RIF1: variants seen among roughly 807,000 people sequenced by gnomAD.
The protein encoded by RIF1 is telomere-associated protein RIF1.
A neutral mutation model predicts 247.1 loss-of-function variants in RIF1; 45 were observed. That is an observed-to-expected ratio of 0.18 (90% CI 0.14 to 0.23). The LOEUF (loss-of-function observed/expected upper bound fraction) is 0.23. Among genes scored for constraint, RIF1 ranks in the 10% least tolerant of loss-of-function variants. The probability of loss-of-function intolerance (pLI) is 1.00; values close to 1 mark genes in which losing one functional copy is unlikely to be tolerated. For missense variants in RIF1, 2,967 were observed against 2,862.5 expected (o/e 1.04, Z -0.83); for synonymous variants, 1,087 against 978.8 (o/e 1.11, Z -2.06).
intron 8 of RIF1, among the ~76,000 whole-genome samples, chr2:151,427,789 G>A (rs571153311): frequency 6.6e-6 from 1 of 150,814 alleles, no homozygotes; most frequent in African/African-American, 2.4e-5. Context: ...AATTAGGCCG[G>A]CATGGTGGCT....
chr2:151,508,256 C>T (rs935332749), downstream of RIF1: 11 of 530,400 alleles, frequency 2.1e-5, no homozygotes, highest in Admixed American at 1.3e-4. Flanking sequence ...GTTAGGGCAT[C>T]GCAAGGAAGA....
chr2:151,530,880 C>T, the RIF1 span: 1 of 657,420 alleles, frequency 1.5e-6, no homozygotes, highest in East Asian at 2.8e-5. Flanking sequence ...TATTTTAAGC[C>T]ACTAAGTTTT....
chr2:151,455,153 A>G lies in RIF1; in HGVS notation c.2603A>G (p.Asn868Ser). ...LTRPLALFYE[N>S]SKLDEVPKVY... Reference sequence around the variant, plus strand: ...AGACCTCTGGCATTATTTTATGAAAACTCAAAGTAAGTATTTTGGACTAAG... The same window carrying G: ...AGACCTCTGGCATTATTTTATGAAAGCTCAAAGTAAGTATTTTGGACTAAG... Residue 868 changes from asparagine (N) to serine (S), a missense_variant, in exon 22 of 36, where the codon AAC becomes AGC. Physicochemically the swap from Asn to Ser is conservative, Grantham distance 46. Transcript: ENST00000444746. 1 of 1,607,756 alleles carries G rather than the reference A, an allele frequency of 6.2e-7. No homozygotes were observed. Among genetic ancestry groups the G allele is most frequent in the East Asian group, 2.2e-5 (1 of 44,782 alleles).
In RIF1 at chr2:151,464,572, T is replaced by G; in HGVS notation, c.5052T>G (p.His1684Gln). The G allele has an allele frequency of 1.2e-6, 2 of 1,613,376 alleles. No individual in the cohort carries two copies. Among genetic ancestry groups the G allele is most frequent in the Non-Finnish European group, 1.7e-6 (2 of 1,179,540 alleles). ...CTAGAAATGCCATTAAGAGATTACA[T>G]AAGCGAGACTCTTTTGATAATTGTA... ...LRTRNAIKRLHKRDSFDNCSL... is the reference protein window; with the variant it reads ...LRTRNAIKRLQKRDSFDNCSL... Residue 1684 changes from histidine (H) to glutamine (Q), a missense_variant, in exon 30 of 36, where the codon CAT becomes CAG. Around this residue, in one of 7 missense-constraint regions of RIF1, gnomAD observed 2,028 missense variants for 1,825.6 expected, o/e 1.11. Transcript: ENST00000444746.
the RIF1 span, chr2:151,531,762 G>C: frequency 2.6e-6 from 4 of 1,520,314 alleles, no homozygotes; most frequent in South Asian, 1.2e-5. Context: ...CCCTGAGTTT[G>C]AGAAGGTATT....
intron 9 of RIF1, among the ~76,000 whole-genome samples, chr2:151,487,904 C>T (rs2152705523): frequency 6.6e-6 from 1 of 152,226 alleles, no homozygotes; most frequent in Non-Finnish European, 1.5e-5. Context: ...AGCCACTATT[C>T]CTGACCTAAT....
chr2:151,468,032 C>T lies in RIF1; in HGVS notation c.6633C>T (p.Tyr2211=). 1 of 1,613,486 alleles carries T rather than the reference C, an allele frequency of 6.2e-7. No individual in the cohort carries two copies. Among genetic ancestry groups the T allele is most frequent in the Non-Finnish European group, 8.5e-7 (1 of 1,179,726 alleles). ...VRRVSFADPI[Y]QAGLADDIDR... is the part of the protein sequence containing the mutation. ...GTGTCTCCTTTGCAGATCCAATATA[C>T]CAAGCAGGATTGGCAGATGACATTG... Residue 2211 remains tyrosine, a synonymous_variant, in exon 31 of 36, where the codon TAC becomes TAT. Coordinates refer to ENST00000444746, the MANE Select transcript of RIF1 (RefSeq NM_018151.5).
chr2:151,512,009 C>A (rs2074776650), downstream of RIF1, among the ~76,000 whole-genome samples: 1 of 146,504 alleles, frequency 6.8e-6, no homozygotes, highest in African/African-American at 2.5e-5. Context: ...TCATAGGTTA[C>A]CCTCTCACTC....
At chr2:151,522,381 C>G in the RIF1 span, among the ~76,000 whole-genome samples, 1 of 152,172 alleles carries the variant, frequency 6.6e-6, no homozygotes, top group East Asian at 1.9e-4. Flanking sequence ...CAGATAACTT[C>G]AGAAGAGGCA....
At chr2:151,468,250 G>T in intron 31 of RIF1, 104 bp downstream of exon 31, 1 of 1,136,110 alleles carries the variant, frequency 8.8e-7, no homozygotes, top group Non-Finnish European at 1.2e-6. Flanking sequence ...CTTCTTCCTT[G>T]GTTTAAAATA....
chr2:151,446,505 CA>C lies in RIF1; in HGVS notation c.2175del (p.Glu726LysfsTer13). On this transcript the variant is annotated frameshift_variant, in exon 20 of 36. Coordinates refer to ENST00000444746, the MANE Select transcript of RIF1 (RefSeq NM_018151.5). LOFTEE classifies it high-confidence loss of function. ...FARCAALVAT[A>X]EENLCCEELS... ...CGTTGTGCTGCTTTGGTGGCAACAG[CA>C]GAAGAGAACTTGTGCTGTGAGGAAC... 6.2e-7 allele frequency: 1 copy of C among 1,613,710 alleles called. No individual in the cohort carries two copies.
downstream of RIF1, among the ~76,000 whole-genome samples, chr2:151,484,591 G>A (rs1177700429): frequency 6.6e-6 from 1 of 152,174 alleles, no homozygotes; most frequent in African/African-American, 2.4e-5. Context: ...GGGAGACTCT[G>A]TCTCCAAACA....
chr2:151,423,118 G>C (rs1445610272), intron 8 of RIF1, 76 bp downstream of exon 8: 6 of 783,856 alleles, frequency 7.7e-6, no homozygotes, highest in Non-Finnish European at 1.3e-5. Flanking sequence ...TCTTTGTACA[G>C]TTGATGCTCA....
At chr2:151,527,828 G>C in the RIF1 span, among the ~76,000 whole-genome samples, 1 of 152,136 alleles carries the variant, frequency 6.6e-6, no homozygotes, top group Non-Finnish European at 1.5e-5. Context: ...CGGGTGAAAT[G>C]ATTCTTCAAT....
At chr2:151,529,351 T>TA in the RIF1 span, 1 of 1,295,112 alleles carries the variant, frequency 7.7e-7, no homozygotes, top group East Asian at 2.3e-5. Context: ...TTAATTTTTT[T>TA]ATAGCAGCAT....
the RIF1 span, chr2:151,527,007 C>T: frequency 0.022 from 34,434 of 1,595,150 alleles, 475 homozygotes; most frequent in Non-Finnish European, 0.025. Context: ...AACTCCCGGT[C>T]CAGCTTATAT....
At position 151,478,211 on chromosome 2, in the gene RIF1, A is replaced by G. The variant is rs2049022001; in HGVS notation, c.*3140A>G. Reference sequence around the variant, plus strand: ...AATGCTGTTGGATAATACAGGCAAAAACAGGATTTAAACCCGCACATTAAA... The same window carrying G: ...AATGCTGTTGGATAATACAGGCAAAGACAGGATTTAAACCCGCACATTAAA... On this transcript the variant is annotated 3_prime_UTR_variant, in exon 36 of 36. Coordinates refer to ENST00000444746, the MANE Select transcript of RIF1 (RefSeq NM_018151.5). 6.6e-6 allele frequency: 1 copy of G among 152,210 alleles called. No individual in the cohort carries two copies. The highest frequency in any genetic ancestry group is 2.4e-5 in the African/African-American group (1 of 41,452). 9.4% of individuals were successfully genotyped at this position (152,210 alleles called of 1,614,324 possible).
downstream of RIF1, among the ~76,000 whole-genome samples, chr2:151,512,178 C>T (rs2075003701): frequency 2.6e-5 from 4 of 151,772 alleles, no homozygotes; most frequent in South Asian, 8.3e-4. Flanking sequence ...CTACAGGTGC[C>T]TGCCACCACG....
At chr2:151,497,756 G>A in intron 10 of RIF1, 1 of 1,552,948 alleles carries the variant, frequency 6.4e-7, no homozygotes, top group Non-Finnish European at 8.7e-7. Flanking sequence ...ACAACCATGA[G>A]TAACATTTCA....
Sources: gnomAD v4.1 joint callset for allele counts (sites outside exome capture counted in the v4.1 genomes callset) on GRCh38, gnomAD v4.1.1 for gene constraint, gnomAD v4.1.1 regional missense constraint, MANE v1.5 for transcripts, NCBI Gene and HGNC (gene_info 2026-07-23, HGNC 2026-07-21) for gene names.